Variants in HSF2BP observed in about 807,000 individuals in gnomAD.
The protein encoded by HSF2BP is heat shock factor 2-binding protein.
Under a neutral mutation model 35.0 loss-of-function variants are expected in HSF2BP, and 35 were observed. The observed-to-expected ratio is 1.00, with a 90% confidence interval of 0.76 to 1.32. The LOEUF is 1.32. HSF2BP is among the 40% of genes most tolerant of loss of function. The pLI, the probability that HSF2BP is intolerant of heterozygous loss-of-function variation, is 0.00. For missense variants in HSF2BP, 326 were observed against 321.7 expected, an observed-to-expected ratio of 1.01 and a Z score of -0.10; for synonymous variants, 114 against 117.4, an observed-to-expected ratio of 0.97 and a Z score of 0.18.
intron 7 of HSF2BP, among the ~76,000 whole-genome samples, chr21:43,602,473 G>A (rs2082063358): frequency 6.6e-6 from 1 of 152,192 alleles, no homozygotes; most frequent in South Asian, 2.1e-4. Flanking sequence ...TGCTTCTGAA[G>A]TCATCTGCAC....
At chr21:43,647,112 T>C (rs904342697) in intron 3 of HSF2BP, among the ~76,000 whole-genome samples, 1 of 152,248 alleles carries the variant, frequency 6.6e-6, no homozygotes, top group African/African-American at 2.4e-5. Flanking sequence ...GTATGTCTCA[T>C]TCTCATACAA....
chr21:43,604,769 C>T (rs865914772), intron 7 of HSF2BP, among the ~76,000 whole-genome samples: 12 of 140,382 alleles, frequency 8.5e-5, no homozygotes, highest in African/African-American at 3.2e-4. Flanking sequence ...GCACACCACT[C>T]GCATGCCACA....
At chr21:43,610,769 T>C (rs1012934677) in intron 7 of HSF2BP, among the ~76,000 whole-genome samples, 3 of 152,216 alleles carry the variant, frequency 2.0e-5, no homozygotes, top group Non-Finnish European at 1.5e-5. Context: ...CAGTATCTTA[T>C]CAAATTGAAA....
At chr21:43,590,275 A>C (rs1411618332) in intron 8 of HSF2BP, among the ~76,000 whole-genome samples, 2 of 152,256 alleles carry the variant, frequency 1.3e-5, no homozygotes, top group Non-Finnish European at 2.9e-5. Flanking sequence ...CAACATCATT[A>C]GTCACAACAA....
At chr21:43,652,345 G>C (rs1350184394) in intron 3 of HSF2BP, among the ~76,000 whole-genome samples, 1 of 146,126 alleles carries the variant, frequency 6.8e-6, no homozygotes, top group Non-Finnish European at 1.5e-5. Context: ...AGAGGTTGCA[G>C]TGAGCTGAGA....
At chr21:43,616,959 A>G (rs1251314384) in intron 6 of HSF2BP, among the ~76,000 whole-genome samples, 2 of 151,728 alleles carry the variant, frequency 1.3e-5, no homozygotes, top group Admixed American at 6.6e-5. Flanking sequence ...GAAAAAAAGG[A>G]TAAGAAATAG....
At chr21:43,467,904 CGCACCACA>C in the HSF2BP span, among the ~76,000 whole-genome samples, 1 of 74,454 alleles carries the variant, frequency 1.3e-5, no homozygotes, top group African/African-American at 5.4e-5. Flanking sequence ...ACCACACACA[CGCACCACA>C]CACCACACAC....
intron 4 of HSF2BP, among the ~76,000 whole-genome samples, chr21:43,641,349 C>T (rs1037520154): frequency 4.6e-5 from 7 of 152,074 alleles, no homozygotes; most frequent in Admixed American, 3.3e-4. Flanking sequence ...TCTTTTTCCT[C>T]TAAAGTTCAA....
the HSF2BP span, among the ~76,000 whole-genome samples, chr21:43,467,783 AAAC>A: frequency 2.2e-5 from 1 of 44,666 alleles, no homozygotes; most frequent in South Asian, 7.0e-4. Context: ...ACCACACCAC[AAAC>A]CACACACCAC....
intron 7 of HSF2BP, among the ~76,000 whole-genome samples, chr21:43,605,758 C>T (rs1029533807): frequency 9.9e-5 from 15 of 150,890 alleles, no homozygotes; most frequent in African/African-American, 3.4e-4. Flanking sequence ...AACATATATA[C>T]ACACACACCA....
intron 6 of HSF2BP, among the ~76,000 whole-genome samples, chr21:43,614,833 A>G (rs529054636): frequency 5.9e-5 from 9 of 152,256 alleles, no homozygotes; most frequent in Non-Finnish European, 1.2e-4. Flanking sequence ...GGAATATTCA[A>G]TCTATATTTG....
chr21:43,603,527 C>T (rs1027001594), intron 7 of HSF2BP, among the ~76,000 whole-genome samples: 3 of 152,222 alleles, frequency 2.0e-5, no homozygotes, highest in Non-Finnish European at 4.4e-5. Context: ...ACAGAGCTCA[C>T]CCTGCACACA....
intron 8 of HSF2BP, among the ~76,000 whole-genome samples, chr21:43,577,016 T>C (rs1246233879): frequency 6.6e-6 from 1 of 152,174 alleles, no homozygotes; most frequent in Non-Finnish European, 1.5e-5. Context: ...ATTCTCGTAA[T>C]TGCTCTGAAG....
intron 3 of HSF2BP, among the ~76,000 whole-genome samples, chr21:43,644,705 A>G (rs1187593604): frequency 6.6e-6 from 1 of 152,232 alleles, no homozygotes; most frequent in Non-Finnish European, 1.5e-5. Flanking sequence ...GATGGAAGGC[A>G]GAGCTGAGAA....
intron 8 of HSF2BP, among the ~76,000 whole-genome samples, chr21:43,588,684 T>C (rs2081888702): frequency 6.6e-6 from 1 of 152,188 alleles, no homozygotes; most frequent in Non-Finnish European, 1.5e-5. Context: ...GTATTAGGTA[T>C]TCTTATTTAA....
intron 6 of HSF2BP, among the ~76,000 whole-genome samples, chr21:43,617,563 T>C (rs1178892169): frequency 6.6e-6 from 1 of 151,524 alleles, no homozygotes; most frequent in Admixed American, 6.6e-5. Context: ...ACTAAAAAAC[T>C]GCCAGTTAAT....
chr21:43,633,430 A>C lies in HSF2BP; in HGVS notation c.292-9T>G, dbSNP rs747735974. The C allele has an allele frequency of 2.5e-6, 4 of 1,599,354 alleles. No homozygotes were observed. The highest frequency in any genetic ancestry group is 3.4e-6 in the Non-Finnish European group (4 of 1,175,060). ...CGAAGAGCCAGTTTCTCCTAAAAGC[A>C]AAACAAAATTGAAAAATAAATAATA... On this transcript the variant is annotated splice_polypyrimidine_tract_variant and intron_variant, in intron 4 of 8. Transcript: ENST00000291560.
At chr21:43,579,035 C>T (rs2081684735) in intron 8 of HSF2BP, among the ~76,000 whole-genome samples, 1 of 152,206 alleles carries the variant, frequency 6.6e-6, no homozygotes, top group African/African-American at 2.4e-5. Flanking sequence ...AGAAACATAA[C>T]CCACAAATAT....
intron 7 of HSF2BP, among the ~76,000 whole-genome samples, chr21:43,602,857 C>T (rs2082067990): frequency 1.3e-5 from 2 of 152,176 alleles, no homozygotes; most frequent in African/African-American, 4.8e-5. Context: ...GCTCCCACCC[C>T]AGAGGCCTCT....
Sources: allele counts gnomAD v4.1 joint callset (sites outside exome capture counted in the v4.1 genomes callset), GRCh38; gene constraint gnomAD v4.1.1; transcripts MANE v1.5; gene names NCBI Gene and HGNC (gene_info 2026-07-23, HGNC 2026-07-21).